The following FBXL20 variants were observed in gnomAD, a reference collection of about 807,000 sequenced individuals.
FBXL20 encodes the protein F-box/LRR-repeat protein 20.
FBXL20 carries 11 observed loss-of-function variants against 64.0 expected under a neutral mutation model. That is an observed-to-expected ratio of 0.17 (90% confidence interval 0.11 to 0.28). The LOEUF is 0.28. Among genes scored for constraint, FBXL20 ranks in the 10% least tolerant of loss-of-function variants. FBXL20 has a pLI of 1.00. For missense variants in FBXL20, 303 were observed against 526.2 expected, an observed-to-expected ratio of 0.58 and a Z score of 4.15; for synonymous variants, 184 against 189.0, an observed-to-expected ratio of 0.97 and a Z score of 0.22.
Position 39,315,829 on chromosome 17 carries a change from C to CAGAGAGAGAGAGAGAG in FBXL20, c.105-12206_105-12191dup, listed in dbSNP as rs141728220. On this transcript the variant is annotated intron_variant, in intron 2 of 14. Coordinates refer to ENST00000264658, the MANE Select transcript of FBXL20 (RefSeq NM_032875.3). ...TTTGAGAGAGAGTGAGAGAGAGAGA[C>CAGAGAGAGAGAGAGAG]AGAGAGAGAGAGAGAGAGAGAGAGA... 1.1e-3 allele frequency among the ~76,000 whole-genome samples: 141 copies of CAGAGAGAGAGAGAGAG among 129,768 alleles called. 10 individuals carry two copies. Among genetic ancestry groups the CAGAGAGAGAGAGAGAG allele is most frequent in the Middle Eastern group, 8.8e-3 (2 of 226 alleles). 85.1% of individuals were successfully genotyped at this position (129,768 alleles called of 152,430 possible). A position where few individuals can be genotyped will look rare whatever the true frequency, so the allele number is the denominator to read the frequency against.
At chr17:39,383,152 ACT>A (rs1467587913) in intron 1 of FBXL20, among the ~76,000 whole-genome samples, 3 of 145,114 alleles carry the variant, frequency 2.1e-5, no homozygotes, top group African/African-American at 7.7e-5. Context: ...ACAGAGTGAG[ACT>A]CTGTCTCAAA....
At chr17:39,325,043 ACAAAAAATACAAAAATTAGCCGG>A (rs1452781287) in intron 2 of FBXL20, among the ~76,000 whole-genome samples, 1 of 152,168 alleles carries the variant, frequency 6.6e-6, no homozygotes, top group East Asian at 1.9e-4. Context: ...CTCTGTCACT[ACAAAAAATACAAAAATTAGCCGG>A]GCGTGGTGGC....
intron 6 of FBXL20, among the ~76,000 whole-genome samples, chr17:39,286,412 G>C (rs1001081162): frequency 1.3e-5 from 2 of 152,026 alleles, no homozygotes; most frequent in African/African-American, 4.8e-5. Context: ...ATGGGGTTTT[G>C]CCATGTTAGC....
At chr17:39,398,134 T>G (rs1405692750) in intron 1 of FBXL20, among the ~76,000 whole-genome samples, 2 of 140,246 alleles carry the variant, frequency 1.4e-5, no homozygotes, top group African/African-American at 2.7e-5. Context: ...ATACAAAAAT[T>G]AGCCGGGCAT....
At chr17:39,363,952 C>T (rs543710753) in intron 1 of FBXL20, among the ~76,000 whole-genome samples, 370 of 137,980 alleles carry the variant, frequency 2.7e-3, no homozygotes, top group Admixed American at 5.4e-3. Flanking sequence ...TGCAGTGACG[C>T]GATCTCAGCT....
chr17:39,384,507 G>A (rs1210828539), intron 1 of FBXL20, among the ~76,000 whole-genome samples: 2 of 151,790 alleles, frequency 1.3e-5, no homozygotes, highest in East Asian at 3.9e-4. Context: ...CCTGGAGGCA[G>A]AGCAAGAGTC....
chr17:39,396,874 G>A (rs1447514613), intron 1 of FBXL20, among the ~76,000 whole-genome samples: 2 of 150,132 alleles, frequency 1.3e-5, no homozygotes, highest in African/African-American at 2.5e-5. Context: ...GGAGAATGGC[G>A]TGAACCTGGG....
chr17:39,281,484 GA>G, intron 8 of FBXL20, 21 bp from the exon 9 acceptor site: 2 of 1,583,620 alleles, frequency 1.3e-6, no homozygotes, highest in Non-Finnish European at 1.7e-6. Flanking sequence ...TAAAAAGTAA[GA>G]AAAAAATGAT....
intron 2 of FBXL20, among the ~76,000 whole-genome samples, chr17:39,326,184 G>A (rs1003468888): frequency 1.3e-5 from 2 of 151,836 alleles, no homozygotes; most frequent in Admixed American, 6.6e-5. Context: ...TTCTGGTATA[G>A]GCTGCAGAAT....
At chr17:39,344,367 G>A (rs2047612205) in intron 1 of FBXL20, among the ~76,000 whole-genome samples, 1 of 150,394 alleles carries the variant, frequency 6.6e-6, no homozygotes, top group African/African-American at 2.4e-5. Context: ...AAAAAAAAAA[G>A]GTTTACTGCT....
At chr17:39,365,223 T>C (rs1026218627) in intron 1 of FBXL20, among the ~76,000 whole-genome samples, 1 of 152,238 alleles carries the variant, frequency 6.6e-6, no homozygotes, top group Non-Finnish European at 1.5e-5. Context: ...TTACTGATTA[T>C]GCCATTCCTT....
intron 2 of FBXL20, among the ~76,000 whole-genome samples, chr17:39,330,297 AAAAAATAAAAAAT>A (rs200931798): frequency 0.011 from 1,598 of 151,390 alleles, 24 homozygotes; most frequent in African/African-American, 0.036. Context: ...ACTCTGTCTC[AAAAAATAAAAAAT>A]AAAAATAAAA....
chr17:39,305,346 C>T lies in FBXL20; in HGVS notation c.105-1707G>A, dbSNP rs541401637. ...TTGAAGTAGACCAATAAGTTATTTG[C>T]TGAAAGCCTGATAAACCACACCATA... On this transcript the variant is annotated intron_variant, in intron 2 of 14. Transcript: ENST00000264658. 1.4e-4 allele frequency among the ~76,000 whole-genome samples: 21 copies of T among 152,216 alleles called. No homozygotes were observed. The South Asian group carries it at 4.1e-3, about 30-fold the overall frequency.
Position 39,293,665 on chromosome 17 carries a change from G to A in FBXL20, c.398+3462C>T, listed in dbSNP as rs143460970. Among the ~76,000 whole-genome samples the A allele has an allele frequency of 7.3e-4, 111 of 152,234 alleles. 2 individuals are homozygous for A. The East Asian group carries it at 0.015, about 20-fold the overall frequency. ...TGAATTTTCTCCATTTTGGGTGGGTGGAACTTCATCCAGCCTTATTAAGCC... is the reference window on the plus strand; with the variant it reads ...TGAATTTTCTCCATTTTGGGTGGGTAGAACTTCATCCAGCCTTATTAAGCC... On this transcript the variant is annotated intron_variant, in intron 6 of 14. Transcript: ENST00000264658.
chr17:39,388,468 A>G (rs1210068155), intron 1 of FBXL20, among the ~76,000 whole-genome samples: 2 of 151,756 alleles, frequency 1.3e-5, no homozygotes, highest in Admixed American at 1.3e-4. Flanking sequence ...TCAAAAAAAA[A>G]AAGTTGCTTT....
intron 2 of FBXL20, among the ~76,000 whole-genome samples, chr17:39,340,405 T>C (rs1409394744): frequency 6.6e-6 from 1 of 152,116 alleles, no homozygotes; most frequent in East Asian, 1.9e-4. Context: ...AATTTCTGTA[T>C]TTTTAGTAGA....
At chr17:39,394,065 G>C (rs1216318789) in intron 1 of FBXL20, among the ~76,000 whole-genome samples, 2 of 152,148 alleles carry the variant, frequency 1.3e-5, no homozygotes, top group Non-Finnish European at 2.9e-5. Flanking sequence ...GGAGGGGTCT[G>C]ATCTAAGAAT....
intron 6 of FBXL20, among the ~76,000 whole-genome samples, chr17:39,291,431 C>CTTT (rs907454529): frequency 1.8e-4 from 20 of 110,482 alleles, no homozygotes; most frequent in South Asian, 5.5e-4. Flanking sequence ...TAAAACTTTT[C>CTTT]TTTTTTTTTT....
At chr17:39,305,981 G>A (rs2047178419) in intron 2 of FBXL20, among the ~76,000 whole-genome samples, 1 of 151,256 alleles carries the variant, frequency 6.6e-6, no homozygotes. Flanking sequence ...GAGTGAGACT[G>A]TGTCTCAAAA....
Sources: gnomAD v4.1 joint callset for allele counts (sites outside exome capture counted in the v4.1 genomes callset) on GRCh38, gnomAD v4.1.1 for gene constraint, MANE v1.5 for transcripts, NCBI Gene and HGNC (gene_info 2026-07-23, HGNC 2026-07-21) for gene names.